The following TMEM220 variants were observed in gnomAD, a reference collection of about 807,000 sequenced individuals.
The protein encoded by TMEM220 is transmembrane protein 220.
A neutral mutation model predicts 21.7 loss-of-function variants in TMEM220; 21 were observed. That is an observed-to-expected ratio of 0.97 (90% CI 0.69 to 1.39). The LOEUF is 1.39. Among genes scored for constraint, TMEM220 ranks in the 40% most tolerant of loss-of-function variants. TMEM220 has a pLI of 0.00. For synonymous variants in TMEM220, 80 were observed against 73.6 expected, an observed-to-expected ratio of 1.09 and a Z score of -0.45; for missense variants, 191 against 201.9, an observed-to-expected ratio of 0.95 and a Z score of 0.33.
chr17:10,726,695 G>C (rs1244417251), intron 2 of TMEM220, among the ~76,000 whole-genome samples: 1 of 152,174 alleles, frequency 6.6e-6, no homozygotes, highest in Non-Finnish European at 1.5e-5. Flanking sequence ...GGACCATCCA[G>C]GCCAGTACTG....
intron 2 of TMEM220, 65 bp from the exon 3 acceptor site, chr17:10,726,329 A>C (rs1419255172): frequency 1.0e-5 from 13 of 1,287,954 alleles, no homozygotes; most frequent in Non-Finnish European, 1.4e-5. Flanking sequence ...AGATGTTCAG[A>C]GATACAGGAA....
At chr17:10,716,159 A>C in intron 5 of TMEM220, 1 of 883,650 alleles carries the variant, frequency 1.1e-6, no homozygotes, top group Non-Finnish European at 1.8e-6. Context: ...AATACTCATA[A>C]GCCTTCTGGA....
At chr17:10,726,176 C>G (rs2075046341) in intron 3 of TMEM220, 28 bp downstream of exon 3, 1 of 1,595,062 alleles carries the variant, frequency 6.3e-7, no homozygotes, top group Non-Finnish European at 8.6e-7. Flanking sequence ...GATTTGCTGT[C>G]TCTCCATTTA....
In TMEM220 at chr17:10,730,013, G is replaced by C. The variant is rs2075110661; in HGVS notation, c.-162C>G. 1.6e-6 allele frequency: 2 copies of C among 1,215,472 alleles called. No individual in the cohort carries two copies. The highest frequency in any genetic ancestry group is 1.0e-6 in the Non-Finnish European group (1 of 975,622). 75.3% of individuals were successfully genotyped at this position (1,215,472 alleles called of 1,614,324 possible). ...CGTGGCCGTCGCTCCGCCCGGGGGC[G>C]GGGAGCGAAGGGCGTGGGTGTAGCC... On this transcript the variant is annotated 5_prime_UTR_variant, in exon 1 of 6. Transcript: ENST00000341871.
intron 1 of TMEM220, among the ~76,000 whole-genome samples, chr17:10,729,266 C>A (rs1479053706): frequency 6.6e-6 from 1 of 152,132 alleles, no homozygotes; most frequent in Non-Finnish European, 1.5e-5. Flanking sequence ...TAACAGGCAG[C>A]CACACATTTT....
chr17:10,723,403 A>C, intron 4 of TMEM220, 74 bp from the exon 5 acceptor site: 1 of 1,078,284 alleles, frequency 9.3e-7, no homozygotes. Flanking sequence ...TCTCTCCATG[A>C]CCACCTGATA....
intron 5 of TMEM220, among the ~76,000 whole-genome samples, chr17:10,722,422 C>G (rs2075003841): frequency 6.6e-6 from 1 of 152,060 alleles, no homozygotes; most frequent in Admixed American, 6.6e-5. Context: ...CACATGCTTC[C>G]TATTTGTCCT....
In TMEM220 at chr17:10,729,497, A is replaced by G. The variant is rs577095482; in HGVS notation, c.72+283T>C. Among the ~76,000 whole-genome samples, 11 of 152,336 alleles carry G rather than the reference A, an allele frequency of 7.2e-5. No individual in the cohort carries two copies. In the South Asian group the frequency reaches 2.1e-3, roughly 29 times the overall value. On this transcript the variant is annotated intron_variant, in intron 1 of 5. Transcript: ENST00000341871. ...TCGTCCGCGGGCCGGACGTTAACGC[A>G]GGAGCCAGGGCCGCTTCTTCTGAGG...
downstream of TMEM220, among the ~76,000 whole-genome samples, chr17:10,711,572 G>A (rs1051646964): frequency 5.3e-5 from 8 of 152,186 alleles, no homozygotes; most frequent in African/African-American, 1.4e-4. Flanking sequence ...CCTATACTTG[G>A]ATTTTTATAG....
chr17:10,723,843 G>A (rs1048611051), intron 4 of TMEM220, among the ~76,000 whole-genome samples: 1 of 152,142 alleles, frequency 6.6e-6, no homozygotes, highest in Non-Finnish European at 1.5e-5. Context: ...TAATAATTTG[G>A]GGGTGGGTAT....
In TMEM220 at chr17:10,729,766, C is replaced by T. The variant is rs1359472990; in HGVS notation, c.72+14G>A. 6.6e-6 allele frequency: 9 copies of T among 1,358,068 alleles called. No individual in the cohort carries two copies. The highest frequency in any genetic ancestry group is 3.1e-5 in the Admixed American group (1 of 32,086). 84.1% of individuals were successfully genotyped at this position (1,358,068 alleles called of 1,614,324 possible). ...GGAGCCGGGCGGGTCCCCCTCCCACCGCGGCCGCCTGACCTGCACCAAGGC... is the reference window on the plus strand; with the variant it reads ...GGAGCCGGGCGGGTCCCCCTCCCACTGCGGCCGCCTGACCTGCACCAAGGC... On this transcript the variant is annotated intron_variant, in intron 1 of 5. Coordinates refer to ENST00000341871, the MANE Select transcript of TMEM220 (RefSeq NM_001004313.3).
chr17:10,726,725 A>G (rs1011903970), intron 2 of TMEM220, among the ~76,000 whole-genome samples: 18 of 152,330 alleles, frequency 1.2e-4, no homozygotes, highest in African/African-American at 4.1e-4. Flanking sequence ...GAGACCACAG[A>G]AAGTTTTCTA....
At chr17:10,724,924 A>C in intron 4 of TMEM220, 87 bp downstream of exon 4, 1 of 1,558,278 alleles carries the variant, frequency 6.4e-7, no homozygotes, top group Non-Finnish European at 8.8e-7. Context: ...TTCAGTTATC[A>C]TTGTGCACAG....
chr17:10,723,996 G>T (rs140930866), intron 4 of TMEM220, among the ~76,000 whole-genome samples: 1 of 152,100 alleles, frequency 6.6e-6, no homozygotes, highest in African/African-American at 2.4e-5. Flanking sequence ...CAACCCATTT[G>T]GTCTACATTC....
intron 5 of TMEM220, chr17:10,716,190 A>C: frequency 1.1e-6 from 1 of 892,438 alleles, no homozygotes; most frequent in African/African-American, 1.6e-5. Context: ...GACTGACATC[A>C]ATAAGGGAAC....
chr17:10,719,977 TTTGCTC>T (rs1272010076), intron 5 of TMEM220, among the ~76,000 whole-genome samples: 1 of 152,194 alleles, frequency 6.6e-6, no homozygotes, highest in Admixed American at 6.5e-5. Context: ...TGTGCTCACT[TTTGCTC>T]TTAATAAGAG....
chr17:10,711,384 C>A (rs1015407769), downstream of TMEM220, among the ~76,000 whole-genome samples: 1 of 152,082 alleles, frequency 6.6e-6, no homozygotes, highest in African/African-American at 2.4e-5. Flanking sequence ...TCATAAGGGG[C>A]ATATAGTCCT....
chr17:10,711,190 C>T, downstream of TMEM220: 2 of 1,448,734 alleles, frequency 1.4e-6, no homozygotes, highest in South Asian at 2.7e-5. Context: ...GTGTTTGTCC[C>T]TCCTAAACAA....
chr17:10,724,298 T>C (rs890007275), intron 4 of TMEM220, among the ~76,000 whole-genome samples: 1 of 152,162 alleles, frequency 6.6e-6, no homozygotes, highest in African/African-American at 2.4e-5. Context: ...TACTGATCTT[T>C]TGGCTGGGTG....
Sources: gnomAD v4.1 joint callset for allele counts (sites outside exome capture counted in the v4.1 genomes callset) on GRCh38, gnomAD v4.1.1 for gene constraint, MANE v1.5 for transcripts, NCBI Gene and HGNC (gene_info 2026-07-23, HGNC 2026-07-21) for gene names.